The following CCDC91 variants were observed in gnomAD, a reference collection of about 807,000 sequenced individuals.
CCDC91 encodes the protein coiled-coil domain containing 91.
In CCDC91, 48 loss-of-function variants were observed where a neutral mutation model predicts 63.2. The ratio of observed to expected loss-of-function variants is 0.76; its 90% CI spans 0.60 to 0.97. CCDC91 has a LOEUF of 0.97. Ranked by LOEUF, CCDC91 falls within the 50% of genes least tolerant of loss-of-function variation. The pLI is 0.00. For synonymous variants in CCDC91, 167 were observed against 165.8 expected (o/e 1.01, Z -0.06); for missense variants, 500 against 494.6 (o/e 1.01, Z -0.10).
chr12:28,484,723 T>C lies in CCDC91; in HGVS notation c.1215+558T>C, dbSNP rs568700192. ...TATTAATGTTAGTCTGAAGAGTAGC[T>C]GAAACTAATGGATCTAACTTGATTT... On this transcript the variant is annotated intron_variant, in intron 12 of 12. Transcript: ENST00000536442. 1.7e-4 allele frequency among the ~76,000 whole-genome samples: 26 copies of C among 152,116 alleles called. No homozygotes were observed. In the East Asian group the frequency reaches 4.8e-3, roughly 28 times the overall value.
intron 7 of CCDC91, among the ~76,000 whole-genome samples, chr12:28,368,206 T>C (rs1366819974): frequency 1.3e-5 from 2 of 152,196 alleles, no homozygotes; most frequent in Non-Finnish European, 2.9e-5. Context: ...AGAAATATGA[T>C]AGACGTTTCA....
rs1325729584 is a variant in CCDC91, at chr12:28,267,821, T to TA, written c.109+8379_109+8380insA. On this transcript the variant is annotated intron_variant, in intron 3 of 12. Transcript: ENST00000536442. Reference sequence around the variant, plus strand: ...AATTATATAGTAATATATAATTATATTATTAATATATAATTATATATAATT... The same window carrying TA: ...AATTATATAGTAATATATAATTATATATATTAATATATAATTATATATAATT... Among the ~76,000 whole-genome samples the TA allele has an allele frequency of 7.8e-4, 19 of 24,512 alleles. No individual in the cohort carries two copies. In the South Asian group the frequency reaches 7.8e-3, roughly 10 times the overall value. 16.1% of individuals were successfully genotyped at this position (24,512 alleles called of 152,430 possible). A position where few individuals can be genotyped will look rare whatever the true frequency, so the allele number is the denominator to read the frequency against.
chr12:28,357,530 A>C (rs1943600067), intron 6 of CCDC91, among the ~76,000 whole-genome samples: 1 of 152,068 alleles, frequency 6.6e-6, no homozygotes, highest in Non-Finnish European at 1.5e-5. Flanking sequence ...TCTGTGTTTT[A>C]TTGAGTTATA....
chr12:28,300,435 G>A lies in CCDC91; in HGVS notation c.110-5214G>A, dbSNP rs114723153. Among the ~76,000 whole-genome samples, 1,098 of 151,406 alleles carry A rather than the reference G, an allele frequency of 7.3e-3. 18 individuals carry two copies. The highest frequency in any genetic ancestry group is 0.025 in the African/African-American group (1,054 of 41,460). On this transcript the variant is annotated intron_variant, in intron 3 of 12. Coordinates refer to ENST00000536442, the MANE Select transcript of CCDC91 (RefSeq NM_018318.5). Reference sequence around the variant, plus strand: ...GATGTGTTCTTCTGATCTGTTAATTGCTGTGCCAAATAATATACCATCTTA... The same window carrying A: ...GATGTGTTCTTCTGATCTGTTAATTACTGTGCCAAATAATATACCATCTTA...
At chr12:28,478,549 TG>T (rs1951251778) in intron 11 of CCDC91, among the ~76,000 whole-genome samples, 1 of 152,162 alleles carries the variant, frequency 6.6e-6, no homozygotes, top group African/African-American at 2.4e-5. Flanking sequence ...GACATAGGCA[TG>T]GGCAAGGACT....
chr12:28,482,826 G>A (rs1171535022), intron 11 of CCDC91, among the ~76,000 whole-genome samples: 1 of 151,790 alleles, frequency 6.6e-6, no homozygotes, highest in African/African-American at 2.4e-5. Context: ...ATACATATGT[G>A]GATGTTTGTC....
intron 3 of CCDC91, among the ~76,000 whole-genome samples, chr12:28,303,109 T>C (rs1938259368): frequency 6.6e-6 from 1 of 152,142 alleles, no homozygotes; most frequent in Non-Finnish European, 1.5e-5. Context: ...TATCATTCTC[T>C]GGAGAACTAA....
intron 8 of CCDC91, among the ~76,000 whole-genome samples, chr12:28,445,937 G>A (rs1949476389): frequency 6.6e-6 from 1 of 152,118 alleles, no homozygotes; most frequent in Non-Finnish European, 1.5e-5. Context: ...GGGGAGGGAG[G>A]TAAAAAATAT....
intron 1 of CCDC91, among the ~76,000 whole-genome samples, chr12:28,218,728 T>TGC (rs1296348733): frequency 9.9e-5 from 15 of 151,460 alleles, no homozygotes; most frequent in African/African-American, 3.6e-4. Flanking sequence ...TGTGTGTGTG[T>TGC]GTATGTATGT....
chr12:28,237,048 G>A (rs1244836851), intron 1 of CCDC91, among the ~76,000 whole-genome samples: 1 of 151,922 alleles, frequency 6.6e-6, no homozygotes, highest in Non-Finnish European at 1.5e-5. Context: ...TACAAGTAAG[G>A]TAGTGTATGC....
intron 7 of CCDC91, among the ~76,000 whole-genome samples, chr12:28,378,239 G>C (rs891185798): frequency 1.3e-5 from 2 of 151,978 alleles, no homozygotes; most frequent in Non-Finnish European, 2.9e-5. Flanking sequence ...TTCTGAAAAG[G>C]TCAGATATAT....
chr12:28,452,102 ATAATT>A (rs1407139838), intron 10 of CCDC91, among the ~76,000 whole-genome samples: 1 of 151,424 alleles, frequency 6.6e-6, no homozygotes, highest in African/African-American at 2.4e-5. Flanking sequence ...AAATGAATTA[ATAATT>A]TTATTTTTTC....
chr12:28,398,389 A>G (rs1358519504), intron 8 of CCDC91, among the ~76,000 whole-genome samples: 4 of 152,130 alleles, frequency 2.6e-5, no homozygotes, highest in Non-Finnish European at 5.9e-5. Flanking sequence ...GCTAAGTAGT[A>G]TTCTATTGTA....
At chr12:28,394,178 C>T (rs1946125129) in intron 8 of CCDC91, among the ~76,000 whole-genome samples, 1 of 151,994 alleles carries the variant, frequency 6.6e-6, no homozygotes. Context: ...ACTTAAAAAG[C>T]AAAGATTAGT....
intron 12 of CCDC91, among the ~76,000 whole-genome samples, chr12:28,526,424 G>C (rs544376558): frequency 6.6e-6 from 1 of 152,240 alleles, no homozygotes; most frequent in Non-Finnish European, 1.5e-5. Flanking sequence ...GGAGGCTAAA[G>C]ATAGGGCCCC....
intron 12 of CCDC91, among the ~76,000 whole-genome samples, chr12:28,506,238 A>G (rs1938695806): frequency 2.0e-5 from 3 of 151,968 alleles, no homozygotes; most frequent in Admixed American, 2.0e-4. Context: ...CAGACTTGGT[A>G]ATGGGTAAAG....
intron 1 of CCDC91, among the ~76,000 whole-genome samples, chr12:28,230,028 T>C (rs1269011822): frequency 6.6e-6 from 1 of 152,190 alleles, no homozygotes; most frequent in Non-Finnish European, 1.5e-5. Flanking sequence ...TCAGAAATGA[T>C]TCTTTAACCA....
At chr12:28,545,770 T>C (rs1053616850) in intron 12 of CCDC91, among the ~76,000 whole-genome samples, 2 of 152,006 alleles carry the variant, frequency 1.3e-5, no homozygotes, top group Non-Finnish European at 2.9e-5. Context: ...TCTATCAAAC[T>C]TTTTTTGTCC....
chr12:28,488,209 A>G (rs1269555928), intron 12 of CCDC91, among the ~76,000 whole-genome samples: 1 of 151,814 alleles, frequency 6.6e-6, no homozygotes, highest in Non-Finnish European at 1.5e-5. Flanking sequence ...TGTGAAATCA[A>G]TAGAGATGTC....
Sources: allele counts gnomAD v4.1 joint callset (sites outside exome capture counted in the v4.1 genomes callset), GRCh38; gene constraint gnomAD v4.1.1; transcripts MANE v1.5; gene names NCBI Gene and HGNC (gene_info 2026-07-23, HGNC 2026-07-21).